The following ENOX1 variants were observed in gnomAD, a reference collection of about 807,000 sequenced individuals.
The protein encoded by ENOX1 is candidate growth-related and time keeping constitutive hydroquinone (NADH) oxidase.
In ENOX1, 42 loss-of-function variants were observed where a neutral mutation model predicts 82.5. The ratio of observed to expected loss-of-function variants is 0.51; its 90% confidence interval spans 0.40 to 0.66. ENOX1 has a LOEUF of 0.66. Ranked by LOEUF, ENOX1 falls within the 30% of genes least tolerant of loss-of-function variation. The pLI is 0.00. For synonymous variants in ENOX1, 271 were observed against 282.2 expected (o/e 0.96, Z 0.40); for missense variants, 608 against 811.6 (o/e 0.75, Z 3.05).
chr13:43,518,396 G>C (rs1254920470), intron 2 of ENOX1, among the ~76,000 whole-genome samples: 1 of 151,984 alleles, frequency 6.6e-6, no homozygotes, highest in African/African-American at 2.4e-5. Flanking sequence ...ACACAGCACA[G>C]GTAATCAGTT....
chr13:43,544,414 C>A (rs1351596120), intron 2 of ENOX1: 1 of 151,938 alleles, frequency 6.6e-6, no homozygotes, highest in Non-Finnish European at 1.5e-5. Flanking sequence ...AAATGAGAAC[C>A]CAAGCACACA....
At chr13:43,590,513 G>A (rs890066635) in intron 2 of ENOX1, among the ~76,000 whole-genome samples, 8 of 152,080 alleles carry the variant, frequency 5.3e-5, no homozygotes, top group Non-Finnish European at 7.4e-5. Context: ...GGTGGCTCAC[G>A]CCTGTAACCT....
intron 3 of ENOX1, among the ~76,000 whole-genome samples, chr13:43,476,100 A>G (rs2058272105): frequency 6.6e-6 from 1 of 152,142 alleles, no homozygotes; most frequent in Admixed American, 6.6e-5. Context: ...AGAAACTTTA[A>G]TATCTCTCCA....
chr13:43,433,630 G>A (rs890509028), intron 3 of ENOX1, among the ~76,000 whole-genome samples: 4 of 152,134 alleles, frequency 2.6e-5, no homozygotes, highest in Non-Finnish European at 5.9e-5. Flanking sequence ...CTAAATTATA[G>A]TTAGCTCTAA....
intron 1 of ENOX1, among the ~76,000 whole-genome samples, chr13:43,701,537 GTGT>G (rs2086907241): frequency 6.6e-6 from 1 of 152,038 alleles, no homozygotes; most frequent in African/African-American, 2.4e-5. Flanking sequence ...TGTTAGTATT[GTGT>G]ATTTTATTGT....
At chr13:43,566,286 T>G (rs1335294353) in intron 2 of ENOX1, among the ~76,000 whole-genome samples, 4 of 152,158 alleles carry the variant, frequency 2.6e-5, no homozygotes, top group Non-Finnish European at 5.9e-5. Flanking sequence ...CATTTCTCTA[T>G]GCAGTCATAT....
At chr13:43,624,082 G>A (rs1030548543) in intron 2 of ENOX1, among the ~76,000 whole-genome samples, 1 of 152,116 alleles carries the variant, frequency 6.6e-6, no homozygotes, top group Non-Finnish European at 1.5e-5. Context: ...CATCTTGCTA[G>A]CATTTGATGT....
chr13:43,452,751 G>C (rs2057034662), intron 3 of ENOX1, among the ~76,000 whole-genome samples: 1 of 152,162 alleles, frequency 6.6e-6, no homozygotes, highest in Admixed American at 6.5e-5. Context: ...TCAAACTCCT[G>C]ACCTCAAGTG....
chr13:43,494,320 A>G (rs1321279150), intron 2 of ENOX1, among the ~76,000 whole-genome samples: 2 of 152,076 alleles, frequency 1.3e-5, no homozygotes, highest in Non-Finnish European at 2.9e-5. Flanking sequence ...TAATTTTTGG[A>G]TTCCTCTCTA....
chr13:43,404,491 A>C (rs2053672356), intron 5 of ENOX1, among the ~76,000 whole-genome samples: 1 of 152,188 alleles, frequency 6.6e-6, no homozygotes, highest in Admixed American at 6.6e-5. Context: ...AGTCTAATTT[A>C]TCCTTTAGGT....
At chr13:43,423,195 C>A (rs2055077552) in intron 3 of ENOX1, among the ~76,000 whole-genome samples, 1 of 152,130 alleles carries the variant, frequency 6.6e-6, no homozygotes, top group African/African-American at 2.4e-5. Context: ...AATGGCTCAA[C>A]TCCTTCCCCT....
At chr13:43,749,697 G>T (rs1950213238) in intron 1 of ENOX1, among the ~76,000 whole-genome samples, 1 of 152,170 alleles carries the variant, frequency 6.6e-6, no homozygotes, top group South Asian at 2.1e-4. Flanking sequence ...GAGAGTAACA[G>T]TAAAACAACA....
intron 1 of ENOX1, among the ~76,000 whole-genome samples, chr13:43,710,279 T>G (rs1205356395): frequency 6.6e-6 from 1 of 152,102 alleles, no homozygotes; most frequent in Non-Finnish European, 1.5e-5. Flanking sequence ...ATAACATATT[T>G]CCTAATAATT....
intron 3 of ENOX1, among the ~76,000 whole-genome samples, chr13:43,463,982 T>C (rs1218996216): frequency 6.6e-6 from 1 of 152,174 alleles, no homozygotes; most frequent in Non-Finnish European, 1.5e-5. Flanking sequence ...TTAAGGAGGT[T>C]GTGGACTATT....
chr13:43,346,783 C>T (rs2049408321), intron 8 of ENOX1, among the ~76,000 whole-genome samples: 1 of 152,218 alleles, frequency 6.6e-6, no homozygotes, highest in African/African-American at 2.4e-5. Context: ...CCTCCCTCCA[C>T]ACTCTCTACC....
At chr13:43,230,857 C>CT (rs765865781) in intron 15 of ENOX1, among the ~76,000 whole-genome samples, 1 of 152,172 alleles carries the variant, frequency 6.6e-6, no homozygotes, top group Admixed American at 6.6e-5. Context: ...TAAACTATCA[C>CT]TTTGTGCATT....
chr13:43,374,209 T>C (rs985876628), intron 5 of ENOX1, among the ~76,000 whole-genome samples: 2 of 150,670 alleles, frequency 1.3e-5, no homozygotes, highest in Non-Finnish European at 3.0e-5. Flanking sequence ...TTTCTTTCCT[T>C]CCTTCCTTCC....
chr13:43,707,750 A>AAAAAAAAAAAAAG (rs2087404465), intron 1 of ENOX1, among the ~76,000 whole-genome samples: 1 of 149,022 alleles, frequency 6.7e-6, no homozygotes, highest in Non-Finnish European at 1.5e-5. Context: ...AAAAAAAAAA[A>AAAAAAAAAAAAAG]AAAAAACCAA....
intron 5 of ENOX1, among the ~76,000 whole-genome samples, chr13:43,411,378 C>A (rs2054115328): frequency 6.6e-6 from 1 of 152,124 alleles, no homozygotes; most frequent in African/African-American, 2.4e-5. Context: ...ATTTTCTCTG[C>A]TGAATGCATG....
Sources: gnomAD v4.1 joint callset for allele counts (sites outside exome capture counted in the v4.1 genomes callset) on GRCh38, gnomAD v4.1.1 for gene constraint, MANE v1.5 for transcripts, NCBI Gene and HGNC (gene_info 2026-07-23, HGNC 2026-07-21) for gene names.